ZC3H3: variants seen among roughly 807,000 people sequenced by gnomAD.
ZC3H3 encodes the protein zinc finger CCCH-type containing 3.
Under a neutral mutation model 77.3 loss-of-function variants are expected in ZC3H3, and 36 were observed. The observed-to-expected ratio is 0.47, with a 90% CI of 0.36 to 0.61. ZC3H3 has a LOEUF of 0.61. ZC3H3 is among the 20% of genes least tolerant of loss of function. ZC3H3 has a pLI of 0.00. For synonymous variants in ZC3H3, 626 were observed against 555.2 expected (o/e 1.13, Z -1.79); for missense variants, 1,331 against 1,312.2 (o/e 1.01, Z -0.22).
chr8:143,439,347 G>A (rs769267056), intron 11 of ZC3H3, among the ~76,000 whole-genome samples: 3 of 152,186 alleles, frequency 2.0e-5, no homozygotes, highest in African/African-American at 4.8e-5. Context: ...TTAACGTTAC[G>A]ACCGTGAAAT....
At position 143,533,235 on chromosome 8, in the gene ZC3H3, G is replaced by A. The variant is rs1462436942; in HGVS notation, c.1561+3022C>T. Among the ~76,000 whole-genome samples, 1 of 152,130 alleles carries A rather than the reference G, an allele frequency of 6.6e-6. No individual in the cohort carries two copies. The highest frequency in any genetic ancestry group is 1.9e-4 in the East Asian group (1 of 5,180). On this transcript the variant is annotated intron_variant, in intron 3 of 11. Coordinates refer to ENST00000262577, the MANE Select transcript of ZC3H3 (RefSeq NM_015117.3). This position sits in a 1 kb window ranked among gnomAD's most constrained non-coding sequence, Gnocchi z 4.0. ...TCCCCTCCAAGCCACACTCCCAGAT[G>A]GTGAACTGGCCCCACAGCCTCCTTG...
At chr8:143,509,605 G>A (rs998966602) in intron 3 of ZC3H3, among the ~76,000 whole-genome samples, 7 of 152,208 alleles carry the variant, frequency 4.6e-5, no homozygotes, top group Non-Finnish European at 1.0e-4. Flanking sequence ...CTCCCAGGCC[G>A]CCCAATGCCT....
At chr8:143,524,579 T>C (rs527929870) in intron 3 of ZC3H3, among the ~76,000 whole-genome samples, 4 of 152,116 alleles carry the variant, frequency 2.6e-5, no homozygotes, top group African/African-American at 9.6e-5. Context: ...CGCACAGAGG[T>C]GGGTCAAGGA....
chr8:143,502,104 G>T (rs1286705785), intron 4 of ZC3H3, among the ~76,000 whole-genome samples: 1 of 152,286 alleles, frequency 6.6e-6, no homozygotes, highest in African/African-American at 2.4e-5. Flanking sequence ...TGGGAAGACA[G>T]CTGTCTGTAA....
At chr8:143,439,130 G>A (rs1322848550) in intron 11 of ZC3H3, among the ~76,000 whole-genome samples, 3 of 151,468 alleles carry the variant, frequency 2.0e-5, no homozygotes, top group Admixed American at 2.0e-4. Context: ...AATACAAGTC[G>A]CTGCCTCGGG....
At chr8:143,468,091 G>T in intron 8 of ZC3H3, 118 bp downstream of exon 8, 1 of 1,253,146 alleles carries the variant, frequency 8.0e-7, no homozygotes. Context: ...GGACGCCAGG[G>T]CAGGGATCTG....
chr8:143,466,222 G>A (rs946718999), intron 8 of ZC3H3, among the ~76,000 whole-genome samples: 1 of 152,184 alleles, frequency 6.6e-6, no homozygotes, highest in South Asian at 2.1e-4. Flanking sequence ...TGCCCTTGGA[G>A]CCTCTCAGGC....
At chr8:143,438,889 CCCG>C in intron 11 of ZC3H3, among the ~76,000 whole-genome samples, 1 of 152,222 alleles carries the variant, frequency 6.6e-6, no homozygotes, top group African/African-American at 2.4e-5. Flanking sequence ...CAGGCTCTGA[CCCG>C]TCAGCCTGCC....
At chr8:143,455,978 C>CAAAA (rs58754874) in intron 9 of ZC3H3, among the ~76,000 whole-genome samples, 2 of 40,852 alleles carry the variant, frequency 4.9e-5, no homozygotes, top group African/African-American at 9.4e-5. Flanking sequence ...GACTCTGTCT[C>CAAAA]AAAAAAAAAA....
intron 3 of ZC3H3, among the ~76,000 whole-genome samples, 183 bp from the exon 4 acceptor site, chr8:143,508,082 G>A (rs940740857): frequency 1.3e-5 from 2 of 152,216 alleles, no homozygotes; most frequent in African/African-American, 2.4e-5. Context: ...CCTGGCAGCC[G>A]ACGCTTCAGG....
At chr8:143,444,560 A>G (rs1029107454) in intron 9 of ZC3H3, among the ~76,000 whole-genome samples, 4 of 152,266 alleles carry the variant, frequency 2.6e-5, no homozygotes, top group African/African-American at 9.6e-5. Context: ...GGTTGGTTTA[A>G]TATTAGAAAA....
intron 8 of ZC3H3, 75 bp downstream of exon 8, chr8:143,468,134 C>G (rs1214292013): frequency 6.5e-7 from 1 of 1,533,746 alleles, no homozygotes; most frequent in Non-Finnish European, 8.9e-7. Flanking sequence ...CTGTGGGCAC[C>G]ATCTGCCCGG....
At chr8:143,531,002 C>A (rs2382955) in intron 3 of ZC3H3, among the ~76,000 whole-genome samples, 5 of 147,960 alleles carry the variant, frequency 3.4e-5, no homozygotes, top group African/African-American at 1.0e-4. Context: ...TTCTGTCACC[C>A]AGGTTGCAGT....
At chr8:143,520,029 C>A (rs1822190625) in intron 3 of ZC3H3, among the ~76,000 whole-genome samples, 1 of 152,342 alleles carries the variant, frequency 6.6e-6, no homozygotes, top group African/African-American at 2.4e-5. Flanking sequence ...CCCCACCCAC[C>A]TCCTTCCCAC....
At chr8:143,474,285 C>T (rs1009727162) in intron 5 of ZC3H3, among the ~76,000 whole-genome samples, 3 of 150,866 alleles carry the variant, frequency 2.0e-5, no homozygotes, top group Admixed American at 6.6e-5. Context: ...GACACAGTGC[C>T]GAGGAAGGGA....
At chr8:143,532,320 G>A (rs1272054704) in intron 3 of ZC3H3, among the ~76,000 whole-genome samples, 2 of 152,274 alleles carry the variant, frequency 1.3e-5, no homozygotes, top group East Asian at 3.8e-4. Flanking sequence ...AAGTGCGGCG[G>A]GGGAGGGAGG....
In ZC3H3 at chr8:143,538,131, A is replaced by G; in HGVS notation, c.1236T>C (p.Ser412=). 1.2e-6 allele frequency: 2 copies of G among 1,613,156 alleles called. No individual in the cohort carries two copies. The highest frequency in any genetic ancestry group is 1.7e-6 in the Non-Finnish European group (2 of 1,180,022). The change falls in exon 2 of 12, where the codon TCT becomes TCC. Residue 412 remains serine (S), a synonymous_variant. Transcript: ENST00000262577. ...CTGGTCTGTCCCCCGACGGGGACCTAGACAGGACTGGGGAGAGCTGGGAGG... is the reference window on the plus strand; with the variant it reads ...CTGGTCTGTCCCCCGACGGGGACCTGGACAGGACTGGGGAGAGCTGGGAGG... ...DHASQLSPVL[S]RSPSGDRPAV...
At chr8:143,466,120 C>T (rs1378735084) in intron 8 of ZC3H3, among the ~76,000 whole-genome samples, 1 of 152,218 alleles carries the variant, frequency 6.6e-6, no homozygotes, top group Non-Finnish European at 1.5e-5. Flanking sequence ...TCAGGGGCGC[C>T]CTCCTCTGAG....
intron 9 of ZC3H3, among the ~76,000 whole-genome samples, chr8:143,451,863 ACCAACCTACCAT>A (rs1277647643): frequency 6.6e-6 from 1 of 152,132 alleles, no homozygotes; most frequent in Non-Finnish European, 1.5e-5. Flanking sequence ...GACCCAAAGT[ACCAACCTACCAT>A]CCCTGTACTT....
Sources: allele counts gnomAD v4.1 joint callset (sites outside exome capture counted in the v4.1 genomes callset), GRCh38; gene constraint gnomAD v4.1.1; non-coding constraint Gnocchi (gnomAD v3.1); transcripts MANE v1.5; gene names NCBI Gene and HGNC (gene_info 2026-07-23, HGNC 2026-07-21).